FOCAD: variants seen among roughly 807,000 people sequenced by gnomAD.
FOCAD encodes focadhesin, also known as KIAA1797.
Under a neutral mutation model 225.6 loss-of-function variants are expected in FOCAD, and 198 were observed. That is an observed-to-expected ratio of 0.88 (90% CI 0.78 to 0.99). The LOEUF is 0.99. Ranked by LOEUF, FOCAD falls within the 50% of genes least tolerant of loss-of-function variation. The probability of loss-of-function intolerance (pLI) is 0.00; values close to 1 mark genes in which losing one functional copy is unlikely to be tolerated. For missense variants in FOCAD, 2,713 were observed against 2,123.6 expected (o/e 1.28, Z -5.46); for synonymous variants, 897 against 755.0 (o/e 1.19, Z -3.08).
chr9:20,928,301 A>T (rs556789841), intron 26 of FOCAD, among the ~76,000 whole-genome samples: 1 of 152,216 alleles, frequency 6.6e-6, no homozygotes, highest in Admixed American at 6.5e-5. Context: ...CATGTGTGCT[A>T]CCAGCTGGAT....
At chr9:20,767,189 G>A (rs1297959125) in intron 7 of FOCAD, among the ~76,000 whole-genome samples, 2 of 151,006 alleles carry the variant, frequency 1.3e-5, no homozygotes, top group African/African-American at 4.9e-5. Context: ...ATTCCATGGT[G>A]TATATGTGCC....
At chr9:20,929,647 A>C in intron 27 of FOCAD, 51 bp downstream of exon 27, 1 of 1,546,588 alleles carries the variant, frequency 6.5e-7, no homozygotes, top group Non-Finnish European at 8.9e-7. Context: ...TTTTTTGCAA[A>C]GGATTTTGCA....
intron 33 of FOCAD, among the ~76,000 whole-genome samples, chr9:20,950,461 G>C (rs779051988): frequency 6.6e-6 from 1 of 152,064 alleles, no homozygotes; most frequent in East Asian, 1.9e-4. Context: ...TTTTTTGCAT[G>C]TATGAATAGA....
chr9:20,762,670 A>G (rs996910860), intron 6 of FOCAD, among the ~76,000 whole-genome samples: 2 of 152,198 alleles, frequency 1.3e-5, no homozygotes, highest in Non-Finnish European at 2.9e-5. Flanking sequence ...TTATAATTAA[A>G]AAGAATTCCC....
At chr9:20,844,926 C>G (rs1826928028) in intron 15 of FOCAD, among the ~76,000 whole-genome samples, 1 of 151,956 alleles carries the variant, frequency 6.6e-6, no homozygotes, top group Admixed American at 6.6e-5. Flanking sequence ...ATGCTTCCTT[C>G]TATATTTGAC....
intron 21 of FOCAD, among the ~76,000 whole-genome samples, chr9:20,898,923 G>C (rs1212600261): frequency 1.3e-5 from 2 of 151,830 alleles, no homozygotes; most frequent in Non-Finnish European, 2.9e-5. Context: ...AGTGAGCCTA[G>C]AACTTTCACA....
chr9:20,913,152 A>ACG (rs932023442), intron 23 of FOCAD, among the ~76,000 whole-genome samples, 198 bp downstream of exon 23: 8 of 130,944 alleles, frequency 6.1e-5, no homozygotes, highest in Non-Finnish European at 9.6e-5. Context: ...ACATACACAC[A>ACG]CACACACACA....
intron 1 of FOCAD, chr9:20,658,636 C>T (rs374593617): frequency 6.5e-6 from 1 of 153,862 alleles, no homozygotes; most frequent in Admixed American, 6.5e-5. Flanking sequence ...CCTGCTTCGG[C>T]TCGCGCACGG....
intron 1 of FOCAD, among the ~76,000 whole-genome samples, chr9:20,711,184 G>A (rs1824818309): frequency 6.6e-6 from 1 of 152,224 alleles, no homozygotes; most frequent in Non-Finnish European, 1.5e-5. Flanking sequence ...TATGAAAGGA[G>A]TTTAATATTT....
intron 16 of FOCAD, among the ~76,000 whole-genome samples, 181 bp from the exon 17 acceptor site, chr9:20,865,745 G>C (rs1287216648): frequency 3.3e-5 from 5 of 152,098 alleles, no homozygotes; most frequent in African/African-American, 1.2e-4. Context: ...CATGTGCTTA[G>C]AGGATGAGTT....
At position 20,914,813 on chromosome 9, in the gene FOCAD, T is replaced by C. The variant is rs115855629; in HGVS notation, c.2807+1859T>C. Among the ~76,000 whole-genome samples the C allele has an allele frequency of 6.6e-3, 998 of 152,254 alleles. 8 individuals are homozygous for C. Among genetic ancestry groups the C allele is most frequent in the African/African-American group, 0.017 (725 of 41,542 alleles). ...TAAAAGGACCACTCCAGCTGTTATG[T>C]TGAAAATACACCCTGCGGGGCATGG... On this transcript the variant is annotated intron_variant, in intron 23 of 43. Transcript: ENST00000338382.
At chr9:20,916,295 T>C (rs1833858158) in intron 23 of FOCAD, among the ~76,000 whole-genome samples, 1 of 152,202 alleles carries the variant, frequency 6.6e-6, no homozygotes, top group South Asian at 2.1e-4. Flanking sequence ...CTGTAAATAT[T>C]TGAATTGTGC....
At chr9:20,770,869 CT>C (rs987181303) in intron 8 of FOCAD, among the ~76,000 whole-genome samples, 3 of 152,152 alleles carry the variant, frequency 2.0e-5, no homozygotes, top group East Asian at 3.9e-4. Flanking sequence ...ACCACTGTGA[CT>C]TTTTTTTCAT....
chr9:20,941,499 A>G (rs1317693563), intron 28 of FOCAD, among the ~76,000 whole-genome samples: 1 of 152,206 alleles, frequency 6.6e-6, no homozygotes, highest in East Asian at 1.9e-4. Flanking sequence ...AAACTAGGGA[A>G]TTGAAGATTC....
At chr9:20,933,625 A>AT (rs1339409507) in intron 28 of FOCAD, among the ~76,000 whole-genome samples, 2 of 152,010 alleles carry the variant, frequency 1.3e-5, no homozygotes, top group African/African-American at 4.8e-5. Flanking sequence ...ATTGATGGGT[A>AT]TTTGAGTTGG....
rs111967925 is a variant in FOCAD at position 20,933,020 on chromosome 9, A to C, written c.3324A>C (p.Ile1108=). 2.4e-4 allele frequency: 382 copies of C among 1,613,062 alleles called. 1 individual carries two copies. The African/African-American group carries it at 4.3e-3, about 18-fold the overall frequency. ...SRLCEEKLSD[I]SGQEMNLLLM... ...CCCCTTGATCTTTAACCAGTGATAT[A>C]TCTGGCCAAGAGATGAACCTTCTTC... Residue 1108 remains isoleucine, a synonymous_variant, in exon 28 of 44, where the codon ATA becomes ATC. Coordinates refer to ENST00000338382, the MANE Select transcript of FOCAD (RefSeq NM_001375567.1).
intron 10 of FOCAD, among the ~76,000 whole-genome samples, chr9:20,783,989 G>A (rs1014782156): frequency 4.6e-5 from 7 of 152,162 alleles, no homozygotes; most frequent in African/African-American, 9.7e-5. Flanking sequence ...GTAAATGTAG[G>A]GAGCAGCTAC....
chr9:20,787,828 A>G (rs1160297060), intron 10 of FOCAD, among the ~76,000 whole-genome samples: 2 of 152,118 alleles, frequency 1.3e-5, no homozygotes, highest in Non-Finnish European at 2.9e-5. Flanking sequence ...TGAAAAAAAA[A>G]ATTGGTAGCA....
chr9:20,716,020 C>A, intron 2 of FOCAD: 1 of 345,448 alleles, frequency 2.9e-6, no homozygotes, highest in South Asian at 2.7e-5. Context: ...GCTAACAGAC[C>A]AGCAGAAGCC....
Sources: gnomAD v4.1 joint callset for allele counts (sites outside exome capture counted in the v4.1 genomes callset) on GRCh38, gnomAD v4.1.1 for gene constraint, MANE v1.5 for transcripts, NCBI Gene and HGNC (gene_info 2026-07-23, HGNC 2026-07-21) for gene names.